ZNF385B: variants seen among roughly 807,000 people sequenced by gnomAD.
ZNF385B encodes the protein zinc finger protein 533.
ZNF385B carries 23 observed loss-of-function variants against 39.2 expected under a neutral mutation model. The observed-to-expected ratio is 0.59, with a 90% CI of 0.42 to 0.83. The LOEUF is 0.83. Ranked by LOEUF, ZNF385B falls within the 40% of genes least tolerant of loss-of-function variation. The pLI is 0.00. For synonymous variants in ZNF385B, 205 were observed against 222.6 expected, an observed-to-expected ratio of 0.92 and a Z score of 0.70; for missense variants, 552 against 598.9, an observed-to-expected ratio of 0.92 and a Z score of 0.82.
chr2:179,781,531 AAAT>A (rs1325197533), intron 1 of ZNF385B, among the ~76,000 whole-genome samples: 3 of 152,200 alleles, frequency 2.0e-5, no homozygotes, highest in African/African-American at 7.2e-5. Context: ...GTTAAAGAAA[AAAT>A]AATAAAGTTT....
intron 3 of ZNF385B, among the ~76,000 whole-genome samples, chr2:179,630,551 A>T (rs1443204902): frequency 2.6e-5 from 4 of 152,254 alleles, no homozygotes; most frequent in African/African-American, 9.6e-5. Context: ...TAGAGGAACC[A>T]CAAAGATGGG....
chr2:179,533,004 A>G (rs186192150), intron 4 of ZNF385B, among the ~76,000 whole-genome samples: 62 of 152,280 alleles, frequency 4.1e-4, no homozygotes, highest in Non-Finnish European at 2.8e-4. Context: ...GGAGTCTATG[A>G]ATTGCTGATA....
At position 179,733,715 on chromosome 2, in the gene ZNF385B, G is replaced by A. The variant is rs370572681; in HGVS notation, c.298+35788C>T. On this transcript the variant is annotated intron_variant, in intron 3 of 9. Transcript: ENST00000410066. The stretch of plus-strand genomic sequence containing the variant: ...GGAGAATGGCATGAACCCGGGAGGC[G>A]GAGCTTGCAGTAAGCCGAGGTTGTG... Among the ~76,000 whole-genome samples the A allele has an allele frequency of 1.1e-4, 16 of 151,448 alleles. No individual in the cohort carries two copies. In the East Asian group the frequency reaches 2.5e-3, roughly 24 times the overall value.
chr2:179,753,248 G>A (rs2106472867), intron 3 of ZNF385B, among the ~76,000 whole-genome samples: 1 of 152,238 alleles, frequency 6.6e-6, no homozygotes, highest in African/African-American at 2.4e-5. Context: ...AGTTGTAAAT[G>A]TGTTGTATTA....
chr2:179,557,459 C>T (rs1030046212), intron 3 of ZNF385B, among the ~76,000 whole-genome samples: 1 of 151,324 alleles, frequency 6.6e-6, no homozygotes, highest in Non-Finnish European at 1.5e-5. Flanking sequence ...TTGATTATAA[C>T]AGTTTATTTT....
At chr2:179,595,438 A>G (rs1276539628) in intron 3 of ZNF385B, among the ~76,000 whole-genome samples, 1 of 152,106 alleles carries the variant, frequency 6.6e-6, no homozygotes, top group East Asian at 1.9e-4. Context: ...AGGAATGCTA[A>G]AATAGGTCAC....
At chr2:179,723,573 G>A (rs1700822111) in intron 3 of ZNF385B, among the ~76,000 whole-genome samples, 1 of 152,084 alleles carries the variant, frequency 6.6e-6, no homozygotes, top group Non-Finnish European at 1.5e-5. Context: ...TTATGGATGA[G>A]TATGTGACAG....
At chr2:179,542,646 A>G (rs964660134) in intron 4 of ZNF385B, among the ~76,000 whole-genome samples, 1 of 152,178 alleles carries the variant, frequency 6.6e-6, no homozygotes, top group Non-Finnish European at 1.5e-5. Flanking sequence ...TTATGAAGGT[A>G]TTCTCTCCAT....
At chr2:179,814,781 G>T in intron 1 of ZNF385B, 1 of 171,912 alleles carries the variant, frequency 5.8e-6, no homozygotes, top group Non-Finnish European at 1.2e-5. Context: ...AGGGCTGGAG[G>T]ACTTCTGAGA....
intron 1 of ZNF385B, among the ~76,000 whole-genome samples, chr2:179,799,057 A>G (rs2106551827): frequency 6.6e-6 from 1 of 152,180 alleles, no homozygotes; most frequent in South Asian, 2.1e-4. Flanking sequence ...GGTGATTGGT[A>G]AGAGTAGTAC....
intron 3 of ZNF385B, among the ~76,000 whole-genome samples, chr2:179,755,307 T>C (rs1702941636): frequency 6.6e-6 from 1 of 152,268 alleles, no homozygotes; most frequent in African/African-American, 2.4e-5. Context: ...CAGTTTGTTA[T>C]AATTTCTGTT....
chr2:179,803,503 ACT>A (rs1706161993), intron 1 of ZNF385B, among the ~76,000 whole-genome samples: 1 of 152,184 alleles, frequency 6.6e-6, no homozygotes. Flanking sequence ...TATTTTAAAG[ACT>A]CAAATAATGT....
At chr2:179,523,094 G>A (rs2058625546) in intron 4 of ZNF385B, among the ~76,000 whole-genome samples, 1 of 152,068 alleles carries the variant, frequency 6.6e-6, no homozygotes, top group Admixed American at 6.5e-5. Flanking sequence ...AAATCATGCA[G>A]AAATGAAAAG....
At chr2:179,720,925 GTTTTTTTTTTT>G (rs56131510) in intron 3 of ZNF385B, among the ~76,000 whole-genome samples, 2 of 70,140 alleles carry the variant, frequency 2.9e-5, no homozygotes, top group Non-Finnish European at 2.6e-5. Flanking sequence ...ATGCCTGGCT[GTTTTTTTTTTT>G]TTTTTTTTTT....
chr2:179,821,142 T>C (rs537872209), intron 1 of ZNF385B, among the ~76,000 whole-genome samples: 165 of 152,314 alleles, frequency 1.1e-3, no homozygotes, highest in African/African-American at 3.8e-3. Flanking sequence ...TTCCTGCAGC[T>C]GACCAGTGGA....
intron 3 of ZNF385B, among the ~76,000 whole-genome samples, chr2:179,631,968 G>C (rs6713950): frequency 1.3e-5 from 2 of 151,808 alleles, no homozygotes; most frequent in African/African-American, 4.8e-5. Flanking sequence ...TAATGGTAAA[G>C]GGATCAATTC....
intron 3 of ZNF385B, among the ~76,000 whole-genome samples, chr2:179,691,830 T>C (rs1559095356): frequency 6.6e-6 from 1 of 152,164 alleles, no homozygotes; most frequent in Non-Finnish European, 1.5e-5. Context: ...TCTTATTGTT[T>C]TTAAAATGTT....
At chr2:179,540,395 G>A (rs185700216) in intron 4 of ZNF385B, among the ~76,000 whole-genome samples, 227 of 152,194 alleles carry the variant, frequency 1.5e-3, no homozygotes, top group African/African-American at 5.3e-3. Flanking sequence ...GCGGTGAGCC[G>A]AGATCCTGCC....
chr2:179,546,213 T>G (rs1428079506), intron 3 of ZNF385B, among the ~76,000 whole-genome samples: 1 of 152,010 alleles, frequency 6.6e-6, no homozygotes, highest in Non-Finnish European at 1.5e-5. Context: ...TTTTTGTATT[T>G]TTTGTAGAGA....
Sources: allele counts gnomAD v4.1 joint callset (sites outside exome capture counted in the v4.1 genomes callset), GRCh38; gene constraint gnomAD v4.1.1; transcripts MANE v1.5; gene names NCBI Gene and HGNC (gene_info 2026-07-23, HGNC 2026-07-21).